Variants in AFF2 observed in about 807,000 individuals in gnomAD.
The protein encoded by AFF2 is AF4/FMR2 family member 2.
Under a neutral mutation model 76.9 loss-of-function variants are expected in AFF2, and 14 were observed. That is an observed-to-expected ratio of 0.18 (90% CI 0.12 to 0.28). The LOEUF (loss-of-function observed/expected upper bound fraction) is 0.28. Ranked by LOEUF, AFF2 falls within the 10% of genes least tolerant of loss-of-function variation. AFF2 has a pLI of 1.00. For synonymous variants in AFF2, 398 were observed against 366.7 expected, an observed-to-expected ratio of 1.09 and a Z score of -0.98; for missense variants, 868 against 1,001.1, an observed-to-expected ratio of 0.87 and a Z score of 1.79.
At chrX:148,737,532 T>C (rs1359169098) in intron 3 of AFF2, among the ~76,000 whole-genome samples, 2 of 111,452 alleles carry the variant, frequency 1.8e-5, no homozygotes, top group Admixed American at 1.9e-4. Context: ...TCCTTAGGGT[T>C]TTCAAAGTAA....
chrX:148,749,676 C>T (rs1158016620), intron 3 of AFF2, among the ~76,000 whole-genome samples: 1 of 110,732 alleles, frequency 9.0e-6, no homozygotes, highest in Non-Finnish European at 1.9e-5. Context: ...TGCAGCCCCA[C>T]TTGGATTGAC....
At chrX:148,797,854 T>G (rs1172156833) in intron 3 of AFF2, among the ~76,000 whole-genome samples, 4 of 112,085 alleles carry the variant, frequency 3.6e-5, no homozygotes, top group African/African-American at 1.3e-4. Flanking sequence ...AGAAAATTTT[T>G]TTTCTGCCAA....
intron 9 of AFF2, among the ~76,000 whole-genome samples, chrX:148,930,634 A>G (rs782818508): frequency 3.6e-5 from 4 of 112,535 alleles, no homozygotes; most frequent in Non-Finnish European, 7.5e-5. Context: ...CTAAATGTCA[A>G]ATTTCAATTG....
At chrX:148,938,333 T>C (rs185955768) in intron 9 of AFF2, among the ~76,000 whole-genome samples, 1 of 112,437 alleles carries the variant, frequency 8.9e-6, no homozygotes, top group East Asian at 2.8e-4. Context: ...TATATTAAGA[T>C]CATTTTGCTA....
chrX:148,706,027 A>C (rs138447261), intron 3 of AFF2, among the ~76,000 whole-genome samples: 62 of 112,031 alleles, frequency 5.5e-4, no homozygotes, highest in African/African-American at 1.9e-3. Context: ...ATATTTGTGA[A>C]CTTCAGTTTT....
In AFF2 at chrX:148,579,087, G is replaced by C. The variant is rs189831663; in HGVS notation, c.48-72912G>C. 2.6e-3 allele frequency among the ~76,000 whole-genome samples: 291 copies of C among 111,793 alleles called. 1 individual carries two copies. The highest frequency in any genetic ancestry group is 3.8e-3 in the Non-Finnish European group (202 of 53,086). ...AGTTGTTTTGAAGCATCAGACATTA[G>C]GGCTCTTGTAAACTTATAGAAAATG... On this transcript the variant is annotated intron_variant, in intron 1 of 20. Transcript: ENST00000370460.
At position 148,996,787 on chromosome X, in the gene AFF2, TC is replaced by T. The variant is rs1557293267; in HGVS notation, c.*5457del. The T allele has an allele frequency of 8.9e-6, 1 of 112,066 alleles. No homozygotes were observed. The highest frequency in any genetic ancestry group is 3.3e-5 in the African/African-American group (1 of 30,768). 9.2% of individuals were successfully genotyped at this position (112,066 alleles called of 1,213,427 possible). ...AATGGAGATGGTTCCATCATCTCCT[TC>T]CATATCTCACAGGTAAAATGGGCAC... On this transcript the variant is annotated 3_prime_UTR_variant, in exon 21 of 21. Transcript: ENST00000370460.
At chrX:148,773,737 A>AG (rs2069630820) in intron 3 of AFF2, among the ~76,000 whole-genome samples, 1 of 107,727 alleles carries the variant, frequency 9.3e-6, no homozygotes, top group Non-Finnish European at 1.9e-5. Context: ...AAAGAAAGAA[A>AG]GAAAGAAAGA....
rs2053411008 is a variant in AFF2 at position 148,581,622 on chromosome X, G to GTATACA, written c.48-70372_48-70371insATATAC. On this transcript the variant is annotated intron_variant, in intron 1 of 20. Transcript: ENST00000370460. Reference sequence around the variant, plus strand: ...CGTATACGTGTACACACATATATACGTATACGTATACGTGTACACACATAT... The same window carrying GTATACA: ...CGTATACGTGTACACACATATATACGTATACATATACGTATACGTGTACACACATAT... 7.9e-5 allele frequency among the ~76,000 whole-genome samples: 7 copies of GTATACA among 88,521 alleles called. 1 individual carries two copies. The highest frequency in any genetic ancestry group is 3.2e-4 in the African/African-American group (7 of 21,667). The allele number at this position is 88,521 out of a possible 115,157, so 76.9% of individuals were successfully genotyped here.
rs2072186959 is a variant in AFF2, at chrX:148,967,022, C to T, written c.3146C>T (p.Pro1049Leu). Reference sequence around the variant, plus strand: ...GAGATGACGTCCTGGGCGGCTCTGCCCCTTCTATCCAGCAGCAGCACTAAT... The same window carrying T: ...GAGATGACGTCCTGGGCGGCTCTGCTCCTTCTATCCAGCAGCAGCACTAAT... ...HLEMTSWAAL[P>L]LLSSSSTNVR... Residue 1049 changes from proline (P) to leucine (L), a missense_variant, in exon 14 of 21, where the codon CCC becomes CTC. Pro to Leu is a moderately conservative substitution (Grantham distance 98). This residue lies in a region of AFF2 where 57 missense variants were observed against 117.8 expected (regional missense o/e 0.48). Coordinates refer to ENST00000370460, the MANE Select transcript of AFF2 (RefSeq NM_002025.4). 8.3e-7 allele frequency: 1 copy of T among 1,209,465 alleles called. No individual in the cohort carries two copies. Among genetic ancestry groups the T allele is most frequent in the Admixed American group, 2.2e-5 (1 of 45,726 alleles).
intron 3 of AFF2, among the ~76,000 whole-genome samples, chrX:148,750,919 C>T (rs1402896766): frequency 1.8e-5 from 2 of 111,453 alleles, no homozygotes; most frequent in Admixed American, 9.5e-5. Context: ...ATCTTGTCTC[C>T]GTGAGAGACC....
chrX:148,897,249 ATATATATATATATATATATATATG>A lies in AFF2; in HGVS notation c.1360-6966_1360-6943del, dbSNP rs1291551037. ...TATATATATATATATATATATATAT[ATATATATATATATATATATATATG>A]TATATGAAAAATATATATATCCATA... On this transcript the variant is annotated intron_variant, in intron 8 of 20. Coordinates refer to ENST00000370460, the MANE Select transcript of AFF2 (RefSeq NM_002025.4). Among the ~76,000 whole-genome samples the A allele has an allele frequency of 3.5e-3, 129 of 36,630 alleles. 7 individuals are homozygous for A. Among genetic ancestry groups the A allele is most frequent in the South Asian group, 0.013 (7 of 543 alleles). The allele number at this position is 36,630 out of a possible 115,157, so 31.8% of individuals were successfully genotyped here.
At chrX:148,884,132 A>G (rs2071129369) in intron 7 of AFF2, among the ~76,000 whole-genome samples, 1 of 112,388 alleles carries the variant, frequency 8.9e-6, no homozygotes, top group African/African-American at 3.2e-5. Flanking sequence ...GTTCAGAGTC[A>G]GAAGTCTGCA....
intron 3 of AFF2, among the ~76,000 whole-genome samples, chrX:148,798,684 C>A (rs2070017849): frequency 8.9e-6 from 1 of 112,089 alleles, no homozygotes; most frequent in Non-Finnish European, 1.9e-5. Context: ...CAGAAATAAT[C>A]AATACCTTGT....
chrX:148,948,564 AC>A (rs1569557411), intron 9 of AFF2, among the ~76,000 whole-genome samples: 4 of 111,572 alleles, frequency 3.6e-5, no homozygotes, highest in Admixed American at 2.9e-4. Flanking sequence ...CAAGTTTGCA[AC>A]AGCAGAGAAG....
intron 3 of AFF2, among the ~76,000 whole-genome samples, chrX:148,790,762 T>C (rs1435364837): frequency 7.2e-5 from 8 of 111,570 alleles, no homozygotes; most frequent in African/African-American, 2.6e-4. Flanking sequence ...AGGTGATGGG[T>C]TGATAGGTGC....
At chrX:148,616,282 ACTT>A (rs2053800570) in intron 1 of AFF2, among the ~76,000 whole-genome samples, 1 of 111,732 alleles carries the variant, frequency 8.9e-6, no homozygotes, top group Non-Finnish European at 1.9e-5. Context: ...AAGTCATTGA[ACTT>A]CTCTTTGCAG....
chrX:148,785,257 G>A (rs190232665), intron 3 of AFF2, among the ~76,000 whole-genome samples: 51 of 111,832 alleles, frequency 4.6e-4, no homozygotes, highest in African/African-American at 1.7e-3. Flanking sequence ...ATCTTTCTCT[G>A]TCATCCATAT....
At chrX:148,753,749 T>C (rs1202672981) in intron 3 of AFF2, among the ~76,000 whole-genome samples, 4 of 111,406 alleles carry the variant, frequency 3.6e-5, no homozygotes, top group Admixed American at 9.6e-5. Context: ...GCTAAGACTC[T>C]ATCCAATGTC....
Sources: gnomAD v4.1 joint callset for allele counts (sites outside exome capture counted in the v4.1 genomes callset) on GRCh38, gnomAD v4.1.1 for gene constraint, gnomAD v4.1.1 regional missense constraint, MANE v1.5 for transcripts, NCBI Gene and HGNC (gene_info 2026-07-23, HGNC 2026-07-21) for gene names.